EPHA6: variants seen among roughly 807,000 people sequenced by gnomAD.
EPHA6 encodes ephrin type-A receptor 6.
EPHA6 carries 50 observed loss-of-function variants against 112.0 expected under a neutral mutation model. The observed-to-expected ratio is 0.45, with a 90% CI of 0.36 to 0.56. The LOEUF (loss-of-function observed/expected upper bound fraction) is 0.56, where lower values mean the gene tolerates loss of function less well. EPHA6 is among the 20% of genes least tolerant of loss of function. The pLI, the probability that EPHA6 is intolerant of heterozygous loss-of-function variation, is 0.00. For synonymous variants in EPHA6, 529 were observed against 490.7 expected (o/e 1.08, Z -1.03); for missense variants, 1,280 against 1,417.4 (o/e 0.90, Z 1.56).
chr3:97,008,686 A>G (rs1053974642), intron 3 of EPHA6, among the ~76,000 whole-genome samples: 6 of 152,086 alleles, frequency 3.9e-5, no homozygotes, highest in African/African-American at 1.4e-4. Context: ...GGTTGAGAAG[A>G]GGCACTCTGG....
chr3:97,603,770 T>C lies in EPHA6; in HGVS notation c.2513-7023T>C, dbSNP rs539266851. Among the ~76,000 whole-genome samples, 509 of 152,038 alleles carry C rather than the reference T, an allele frequency of 3.3e-3. 2 individuals are homozygous for C. Among genetic ancestry groups the C allele is most frequent in the African/African-American group, 0.011 (471 of 41,528 alleles). On this transcript the variant is annotated intron_variant, in intron 12 of 17. Transcript: ENST00000389672. ...AAAATAGGAAAATACTCATATAAAT[T>C]GTTTTACTCTACCCTAAGAGAAACC...
intron 15 of EPHA6, among the ~76,000 whole-genome samples, chr3:97,729,524 G>A (rs1256806062): frequency 1.3e-5 from 2 of 151,970 alleles, no homozygotes; most frequent in South Asian, 2.1e-4. Flanking sequence ...AGAACAGCAC[G>A]GGAAAGACAC....
At chr3:97,382,714 A>G (rs1178771062) in intron 5 of EPHA6, among the ~76,000 whole-genome samples, 1 of 152,060 alleles carries the variant, frequency 6.6e-6, no homozygotes, top group Admixed American at 6.5e-5. Flanking sequence ...TGAAAATACA[A>G]TCAGTCAAAT....
At chr3:97,176,057 T>G (rs2076827024) in intron 3 of EPHA6, among the ~76,000 whole-genome samples, 1 of 151,946 alleles carries the variant, frequency 6.6e-6, no homozygotes, top group African/African-American at 2.4e-5. Context: ...ATGGCTTTTA[T>G]TATGAAGAGG....
intron 3 of EPHA6, among the ~76,000 whole-genome samples, chr3:97,021,734 C>T (rs1448501197): frequency 6.6e-6 from 1 of 152,186 alleles, no homozygotes; most frequent in Non-Finnish European, 1.5e-5. Flanking sequence ...CAGGCCTGAG[C>T]CTTATAACCC....
At chr3:97,726,353 T>G (rs188727337) in intron 15 of EPHA6, among the ~76,000 whole-genome samples, 5 of 152,172 alleles carry the variant, frequency 3.3e-5, no homozygotes, top group Non-Finnish European at 5.9e-5. Flanking sequence ...CATTTAATTA[T>G]GCATGCTCCT....
chr3:96,946,107 G>A (rs1202150118), intron 2 of EPHA6, among the ~76,000 whole-genome samples: 5 of 151,814 alleles, frequency 3.3e-5, no homozygotes. Context: ...CTTAAGATTG[G>A]CTTCTTTCAT....
chr3:97,598,910 C>T (rs1432494267), intron 12 of EPHA6, among the ~76,000 whole-genome samples: 1 of 150,140 alleles, frequency 6.7e-6, no homozygotes, highest in African/African-American at 2.4e-5. Context: ...TATTTCTCCA[C>T]ATCCTCTCCA....
chr3:97,015,308 T>G (rs953889750), intron 3 of EPHA6, among the ~76,000 whole-genome samples: 5 of 152,170 alleles, frequency 3.3e-5, no homozygotes, highest in Non-Finnish European at 7.4e-5. Flanking sequence ...TTAAAATGAT[T>G]TTGTCCAGCT....
chr3:97,259,231 G>T (rs1384762033), intron 5 of EPHA6, among the ~76,000 whole-genome samples: 1 of 151,704 alleles, frequency 6.6e-6, no homozygotes, highest in Non-Finnish European at 1.5e-5. Flanking sequence ...GTTCAAGTTG[G>T]CATTTGAAAA....
At chr3:97,544,541 G>C (rs2092917222) in intron 11 of EPHA6, among the ~76,000 whole-genome samples, 1 of 152,182 alleles carries the variant, frequency 6.6e-6, no homozygotes, top group African/African-American at 2.4e-5. Flanking sequence ...AAGGACATTG[G>C]TCTAAAATTC....
intron 11 of EPHA6, among the ~76,000 whole-genome samples, chr3:97,567,013 G>A (rs1020062946): frequency 2.0e-5 from 3 of 152,184 alleles, no homozygotes; most frequent in Admixed American, 2.0e-4. Context: ...AAGGGAAAAG[G>A]TGATTTTTAA....
At chr3:97,351,251 T>C (rs1366704144) in intron 5 of EPHA6, among the ~76,000 whole-genome samples, 1 of 152,148 alleles carries the variant, frequency 6.6e-6, no homozygotes, top group East Asian at 1.9e-4. Flanking sequence ...TACAATGATC[T>C]CAAATTTTAA....
At chr3:97,029,209 G>C (rs2044741767) in intron 3 of EPHA6, among the ~76,000 whole-genome samples, 1 of 151,460 alleles carries the variant, frequency 6.6e-6, no homozygotes, top group Non-Finnish European at 1.5e-5. Context: ...GATATAAACA[G>C]AGTAATTTGG....
At chr3:97,323,356 T>G (rs1044227665) in intron 5 of EPHA6, among the ~76,000 whole-genome samples, 1 of 151,848 alleles carries the variant, frequency 6.6e-6, no homozygotes, top group East Asian at 1.9e-4. Context: ...GAGAAAAAAC[T>G]AAATAAATAT....
intron 5 of EPHA6, among the ~76,000 whole-genome samples, chr3:97,364,395 G>A (rs2084589178): frequency 1.4e-5 from 2 of 144,880 alleles, no homozygotes; most frequent in South Asian, 2.2e-4. Context: ...TCCTCATTCT[G>A]TTATAAGTAT....
chr3:96,920,909 A>G (rs1169121782), intron 2 of EPHA6, among the ~76,000 whole-genome samples: 1 of 152,032 alleles, frequency 6.6e-6, no homozygotes, highest in Non-Finnish European at 1.5e-5. Context: ...TATAGCCTTT[A>G]AGGGGAACAA....
chr3:97,706,886 G>A lies in EPHA6; in HGVS notation c.2785-13375G>A, dbSNP rs140711699. Among the ~76,000 whole-genome samples, 502 of 150,070 alleles carry A rather than the reference G, an allele frequency of 3.3e-3. 2 individuals are homozygous for A. Among genetic ancestry groups the A allele is most frequent in the African/African-American group, 0.011 (469 of 40,828 alleles). On this transcript the variant is annotated intron_variant, in intron 14 of 17. Transcript: ENST00000389672. ...TATTTATTTATTTATTTACATCAATGTTTCTCTTACTGTAACATGAGCTCC... is the reference window on the plus strand; with the variant it reads ...TATTTATTTATTTATTTACATCAATATTTCTCTTACTGTAACATGAGCTCC...
At chr3:97,159,482 A>T (rs2108395363) in intron 3 of EPHA6, among the ~76,000 whole-genome samples, 1 of 152,270 alleles carries the variant, frequency 6.6e-6, no homozygotes, top group Non-Finnish European at 1.5e-5. Context: ...GAAAATAGTG[A>T]GTGGTGCTAC....
Sources: allele counts gnomAD v4.1 joint callset (sites outside exome capture counted in the v4.1 genomes callset), GRCh38; gene constraint gnomAD v4.1.1; transcripts MANE v1.5; gene names NCBI Gene and HGNC (gene_info 2026-07-23, HGNC 2026-07-21).